The following SBF2 variants were observed in gnomAD, a reference collection of about 807,000 sequenced individuals.
SBF2 encodes SET binding factor 2.
A neutral mutation model predicts 225.2 loss-of-function variants in SBF2; 112 were observed. The observed-to-expected ratio is 0.50, with a 90% CI of 0.43 to 0.58. The LOEUF (loss-of-function observed/expected upper bound fraction) is 0.58, where lower values mean the gene tolerates loss of function less well. Ranked by LOEUF, SBF2 falls within the 20% of genes least tolerant of loss-of-function variation. SBF2 has a pLI of 0.00. For missense variants in SBF2, 1,996 were observed against 2,206.2 expected (o/e 0.90, Z 1.91); for synonymous variants, 763 against 773.3 (o/e 0.99, Z 0.22).
At chr11:9,964,843 C>G (rs1028079514) in intron 14 of SBF2, among the ~76,000 whole-genome samples, 1 of 151,926 alleles carries the variant, frequency 6.6e-6, no homozygotes, top group Non-Finnish European at 1.5e-5. Context: ...CTATACTATG[C>G]CATTTGTTTA....
intron 2 of SBF2, among the ~76,000 whole-genome samples, chr11:10,131,327 G>A (rs982166794): frequency 2.0e-5 from 3 of 151,862 alleles, no homozygotes; most frequent in African/African-American, 7.3e-5. Context: ...CCAGGCTTAA[G>A]TAGATCCTCC....
chr11:9,831,225 C>T (rs1855378834), intron 27 of SBF2, among the ~76,000 whole-genome samples: 2 of 152,152 alleles, frequency 1.3e-5, no homozygotes, highest in Admixed American at 1.3e-4. Context: ...TCTTGAACTC[C>T]TGGGCGCAAG....
intron 20 of SBF2, among the ~76,000 whole-genome samples, chr11:9,853,285 T>C (rs1258825524): frequency 3.3e-5 from 5 of 152,274 alleles, no homozygotes; most frequent in African/African-American, 1.2e-4. Flanking sequence ...TTTGGGGTAA[T>C]AAAAAAGTTT....
intron 6 of SBF2, among the ~76,000 whole-genome samples, chr11:10,023,419 A>G (rs928108896): frequency 1.3e-5 from 2 of 152,180 alleles, no homozygotes; most frequent in African/African-American, 4.8e-5. Flanking sequence ...AAAGTATACA[A>G]TTCAGTGGTT....
At chr11:10,229,363 ATG>A in intron 1 of SBF2, among the ~76,000 whole-genome samples, 1 of 152,092 alleles carries the variant, frequency 6.6e-6, no homozygotes, top group South Asian at 2.1e-4. Context: ...TAGCTTTTGA[ATG>A]TGTTTGCTCT....
intron 25 of SBF2, 113 bp from the exon 26 acceptor site, chr11:9,839,809 G>A (rs533856327): frequency 6.7e-6 from 8 of 1,193,280 alleles, no homozygotes; most frequent in Non-Finnish European, 1.0e-5. Flanking sequence ...GGTAGAGACA[G>A]ATATCAAAGA....
intron 6 of SBF2, among the ~76,000 whole-genome samples, chr11:10,009,522 T>C (rs919788017): frequency 5.3e-5 from 8 of 152,216 alleles, no homozygotes; most frequent in African/African-American, 1.9e-4. Flanking sequence ...TGGTTTTCTG[T>C]TCCTGTATTA....
chr11:9,863,016 T>TA (rs961548125), intron 17 of SBF2, among the ~76,000 whole-genome samples: 15 of 148,130 alleles, frequency 1.0e-4, no homozygotes, highest in African/African-American at 1.2e-4. Flanking sequence ...GATTCTGTCC[T>TA]AAAAAAAAAA....
intron 2 of SBF2, among the ~76,000 whole-genome samples, chr11:10,118,156 ATGT>A (rs1953253417): frequency 6.6e-6 from 1 of 152,164 alleles, no homozygotes; most frequent in African/African-American, 2.4e-5. Flanking sequence ...TGAAGGCCAA[ATGT>A]TGTTCTCTCT....
chr11:9,809,095 C>T, intron 30 of SBF2, 93 bp from the exon 31 acceptor site: 1 of 895,838 alleles, frequency 1.1e-6, no homozygotes, highest in Non-Finnish European at 1.9e-6. Flanking sequence ...AATCAAACGA[C>T]TTAGGGATAA....
chr11:10,164,960 T>C (rs1459543286), intron 2 of SBF2: 2 of 152,224 alleles, frequency 1.3e-5, no homozygotes, highest in African/African-American at 4.8e-5. Context: ...CCAAACCAGA[T>C]AGTCATCCAA....
intron 1 of SBF2, among the ~76,000 whole-genome samples, chr11:10,237,963 G>A (rs551922640): frequency 6.6e-6 from 1 of 152,228 alleles, no homozygotes; most frequent in African/African-American, 2.4e-5. Context: ...GCTGTTTCTG[G>A]GTTTTGGCTA....
intron 1 of SBF2, among the ~76,000 whole-genome samples, chr11:10,302,246 C>T (rs2133655039): frequency 6.6e-6 from 1 of 152,280 alleles, no homozygotes; most frequent in South Asian, 2.1e-4. Context: ...CTCGAGATTT[C>T]ACGAGAAAAA....
At chr11:10,004,015 T>G (rs1246526335) in intron 6 of SBF2, among the ~76,000 whole-genome samples, 1 of 152,184 alleles carries the variant, frequency 6.6e-6, no homozygotes. Flanking sequence ...TAGTCTATTA[T>G]TAATTGCTAT....
intron 2 of SBF2, among the ~76,000 whole-genome samples, chr11:10,147,051 T>C (rs565474427): frequency 1.8e-3 from 195 of 108,510 alleles, no homozygotes; most frequent in African/African-American, 6.1e-3. Context: ...TATTAAAAAG[T>C]AAAAAAAAAA....
At chr11:9,802,580 G>T (rs958483298) in intron 32 of SBF2, among the ~76,000 whole-genome samples, 4 of 152,108 alleles carry the variant, frequency 2.6e-5, no homozygotes, top group Non-Finnish European at 4.4e-5. Context: ...CTGTTTTTTT[G>T]ATGTTTCTGG....
At chr11:9,882,538 G>A (rs913249576) in intron 17 of SBF2, among the ~76,000 whole-genome samples, 14 of 152,124 alleles carry the variant, frequency 9.2e-5, no homozygotes, top group Admixed American at 1.3e-4. Context: ...GCCGGGCATG[G>A]TGGCTCATGT....
chr11:9,846,755 T>G (rs1206768985), intron 23 of SBF2, among the ~76,000 whole-genome samples: 1 of 152,208 alleles, frequency 6.6e-6, no homozygotes, highest in African/African-American at 2.4e-5. Context: ...GCTGGTACTC[T>G]GAGTTGGCTA....
rs190920887 is a variant in SBF2 at position 9,852,734 on chromosome 11, T to C, written c.2552A>G (p.His851Arg). The change falls in exon 21 of 40, where the codon CAC becomes CGC. Residue 851 changes from histidine to arginine, a missense_variant. Physicochemically the swap from His to Arg is conservative, Grantham distance 29. Transcript: ENST00000256190. ...HCMIPGIVAM[H>R]IETLEAVHRE... is the part of the protein sequence containing the mutation. ...ATGTACTGCTTCTAGGGTCTCAATGTGCATAGCTACAATTCCTAGGATGAG... is the reference window on the plus strand; with the variant it reads ...ATGTACTGCTTCTAGGGTCTCAATGCGCATAGCTACAATTCCTAGGATGAG... 2 of 1,612,252 alleles carry C rather than the reference T, an allele frequency of 1.2e-6. No individual in the cohort carries two copies. The highest frequency in any genetic ancestry group is 1.7e-5 in the Admixed American group (1 of 60,020).
Sources: gnomAD v4.1 joint callset for allele counts (sites outside exome capture counted in the v4.1 genomes callset) on GRCh38, gnomAD v4.1.1 for gene constraint, MANE v1.5 for transcripts, NCBI Gene and HGNC (gene_info 2026-07-23, HGNC 2026-07-21) for gene names.